Variants in ZNF516 observed in about 807,000 individuals in gnomAD.
The protein encoded by ZNF516 is zinc finger protein 516.
ZNF516 carries 19 observed loss-of-function variants against 79.7 expected under a neutral mutation model. The observed-to-expected ratio is 0.24, with a 90% CI of 0.17 to 0.35. ZNF516 has a LOEUF of 0.35. Ranked by LOEUF, ZNF516 falls within the 10% of genes least tolerant of loss-of-function variation. ZNF516 has a pLI of 1.00. For missense variants in ZNF516, 1,678 were observed against 1,679.5 expected, an observed-to-expected ratio of 1.00 and a Z score of 0.02; for synonymous variants, 877 against 739.5, an observed-to-expected ratio of 1.19 and a Z score of -3.02.
At chr18:76,385,326 G>A (rs1023629671) in intron 3 of ZNF516, among the ~76,000 whole-genome samples, 2 of 152,212 alleles carry the variant, frequency 1.3e-5, no homozygotes, top group Non-Finnish European at 2.9e-5. Context: ...TGTTTCACAC[G>A]GGGCCCAGGG....
chr18:76,484,166 G>A (rs1914694217), intron 1 of ZNF516, among the ~76,000 whole-genome samples: 4 of 152,294 alleles, frequency 2.6e-5, no homozygotes, highest in East Asian at 1.9e-4. Context: ...TCAGCACAGC[G>A]TATGGAGAAA....
intron 2 of ZNF516, among the ~76,000 whole-genome samples, chr18:76,455,488 G>A (rs1471208083): frequency 6.6e-6 from 1 of 152,172 alleles, no homozygotes; most frequent in African/African-American, 2.4e-5. Flanking sequence ...GGCACAGGTG[G>A]GGGACTTCAA....
chr18:76,492,084 C>CCAGGGGTCTCCCTG (rs1290353789), intron 1 of ZNF516: 1 of 889,714 alleles, frequency 1.1e-6, no homozygotes, highest in Non-Finnish European at 1.3e-6. Context: ...GAGGTCCCTC[C>CCAGGGGTCTCCCTG]CAGGGGTCTC....
At chr18:76,423,825 C>A in intron 3 of ZNF516, among the ~76,000 whole-genome samples, 1 of 149,136 alleles carries the variant, frequency 6.7e-6, no homozygotes, top group Non-Finnish European at 1.5e-5. Context: ...AAAAGGTTCC[C>A]CCATGAAACA....
chr18:76,461,465 A>G (rs2145673800), intron 2 of ZNF516, among the ~76,000 whole-genome samples: 1 of 152,306 alleles, frequency 6.6e-6, no homozygotes, highest in Admixed American at 6.5e-5. Flanking sequence ...CCTGGGACCA[A>G]CCTGTTGGGC....
chr18:76,390,658 C>T (rs1172194103), intron 3 of ZNF516, among the ~76,000 whole-genome samples: 3 of 152,210 alleles, frequency 2.0e-5, no homozygotes, highest in East Asian at 1.9e-4. Context: ...CAACCCGGGT[C>T]CCGCAGGCAG....
chr18:76,490,156 C>A (rs1168403634), intron 1 of ZNF516: 3 of 985,170 alleles, frequency 3.0e-6, no homozygotes, highest in Admixed American at 6.1e-5. Flanking sequence ...TTCAGTTCAT[C>A]CCAGAGCCCA....
At position 76,443,113 on chromosome 18, in the gene ZNF516, G is replaced by C. The variant is rs368914404; in HGVS notation, c.-59C>G. The C allele has an allele frequency of 2.0e-6, 3 of 1,517,384 alleles. No individual in the cohort carries two copies. Among genetic ancestry groups the C allele is most frequent in the Non-Finnish European group, 1.8e-6 (2 of 1,140,624 alleles). The allele number at this position is 1,517,384 out of a possible 1,614,324, so 94.0% of individuals were successfully genotyped here. On this transcript the variant is annotated 5_prime_UTR_variant, in exon 3 of 7. Coordinates refer to ENST00000443185, the MANE Select transcript of ZNF516 (RefSeq NM_014643.4). ...AGCTTTCTGTCGCGCGGGCTGCAGG[G>C]ACCGTCCTATCTCTCCATGGTCAGA... is the stretch of plus-strand genomic sequence containing the variant.
intron 2 of ZNF516, among the ~76,000 whole-genome samples, chr18:76,453,671 A>G (rs1365121760): frequency 6.6e-6 from 1 of 152,236 alleles, no homozygotes; most frequent in Non-Finnish European, 1.5e-5. Flanking sequence ...AAAACTGTGG[A>G]AACTGTTAAC....
intron 6 of ZNF516, among the ~76,000 whole-genome samples, chr18:76,363,714 A>T (rs1165199702): frequency 6.6e-6 from 1 of 152,238 alleles, no homozygotes; most frequent in Non-Finnish European, 1.5e-5. Context: ...GGCCGTGAAG[A>T]CATCTCTGAG....
chr18:76,453,120 A>G (rs947772982), intron 2 of ZNF516, among the ~76,000 whole-genome samples: 7 of 152,244 alleles, frequency 4.6e-5, no homozygotes, highest in Non-Finnish European at 8.8e-5. Context: ...TAAACTTCAC[A>G]GAACTAAAAA....
intron 3 of ZNF516, chr18:76,385,780 C>T (rs567089512): frequency 2.7e-5 from 4 of 150,510 alleles, no homozygotes; most frequent in East Asian, 3.9e-4. Context: ...TGCACTGCCC[C>T]CCCCCCGGGA....
At chr18:76,382,528 G>A (rs1225552644) in intron 3 of ZNF516, among the ~76,000 whole-genome samples, 4 of 152,056 alleles carry the variant, frequency 2.6e-5, no homozygotes, top group Non-Finnish European at 4.4e-5. Flanking sequence ...CACGACTGTC[G>A]AGGCTTCCAA....
intron 3 of ZNF516, among the ~76,000 whole-genome samples, chr18:76,401,844 A>ACCC (rs2075231234): frequency 1.4e-5 from 2 of 147,006 alleles, no homozygotes; most frequent in Admixed American, 6.8e-5. Flanking sequence ...TCTCTCCACC[A>ACCC]ACCACACCCC....
At chr18:76,462,332 C>T (rs1746086678) in intron 2 of ZNF516, among the ~76,000 whole-genome samples, 1 of 152,218 alleles carries the variant, frequency 6.6e-6, no homozygotes. Flanking sequence ...AAGAACAACA[C>T]AAGACAGTTC....
At chr18:76,477,325 C>G (rs867702724) in intron 1 of ZNF516, among the ~76,000 whole-genome samples, 1 of 152,154 alleles carries the variant, frequency 6.6e-6, no homozygotes, top group Non-Finnish European at 1.5e-5. Context: ...AGCACGAAAA[C>G]TGACCCTCCG....
At chr18:76,385,188 G>A (rs866605647) in intron 3 of ZNF516, among the ~76,000 whole-genome samples, 12 of 152,206 alleles carry the variant, frequency 7.9e-5, no homozygotes, top group African/African-American at 2.2e-4. Context: ...AGGGGCTCCC[G>A]GGTTCCTTTC....
At chr18:76,390,427 C>A (rs1280253465) in intron 3 of ZNF516, among the ~76,000 whole-genome samples, 1 of 152,200 alleles carries the variant, frequency 6.6e-6, no homozygotes, top group Non-Finnish European at 1.5e-5. Context: ...AACACACACA[C>A]CTGTTGCGGG....
chr18:76,439,920 T>C (rs1246517866), intron 3 of ZNF516, among the ~76,000 whole-genome samples: 1 of 151,594 alleles, frequency 6.6e-6, no homozygotes, highest in Non-Finnish European at 1.5e-5. Flanking sequence ...GGGGTCACGA[T>C]GGGGTCAACC....
Sources: allele counts gnomAD v4.1 joint callset (sites outside exome capture counted in the v4.1 genomes callset), GRCh38; gene constraint gnomAD v4.1.1; transcripts MANE v1.5; gene names NCBI Gene and HGNC (gene_info 2026-07-23, HGNC 2026-07-21).